THTPA: variants seen among roughly 807,000 people sequenced by gnomAD.
THTPA encodes thiamine-triphosphatase.
A neutral mutation model predicts 16.5 loss-of-function variants in THTPA; 16 were observed. The observed-to-expected ratio is 0.97, with a 90% CI of 0.66 to 1.47. The LOEUF is 1.47. THTPA is among the 40% of genes most tolerant of loss of function. THTPA has a pLI of 0.00. For missense variants in THTPA, 281 were observed against 280.9 expected (o/e 1.00, Z 0.00); for synonymous variants, 110 against 115.5 (o/e 0.95, Z 0.30).
the THTPA span, among the ~76,000 whole-genome samples, chr14:23,512,400 TG>T: frequency 4.0e-5 from 6 of 151,722 alleles, no homozygotes; most frequent in African/African-American, 1.5e-4. Flanking sequence ...CCCTGGGAAC[TG>T]GGGCTGTGCG....
At chr14:23,518,961 G>A in the THTPA span, among the ~76,000 whole-genome samples, 1 of 152,196 alleles carries the variant, frequency 6.6e-6, no homozygotes, top group Admixed American at 6.5e-5. This position sits in a 1 kb window ranked among gnomAD's most constrained non-coding sequence, Gnocchi z 4.5. Flanking sequence ...CAGCCACTGG[G>A]AACATGGAAT....
At chr14:23,531,920 G>A in the THTPA span, 2 of 602,516 alleles carry the variant, frequency 3.3e-6, no homozygotes, top group Non-Finnish European at 2.4e-6. Context: ...GGGATTACAG[G>A]CATGCGCACC....
chr14:23,523,238 T>C, the THTPA span: 1 of 1,432,822 alleles, frequency 7.0e-7, no homozygotes, highest in Non-Finnish European at 9.1e-7. The surrounding 1 kb of genome is among the most constrained non-coding windows in gnomAD (Gnocchi z 4.1). Flanking sequence ...CAGCGGGGGC[T>C]GAGCCAGAGC....
the THTPA span, chr14:23,524,295 T>C: frequency 1.3e-6 from 2 of 1,536,162 alleles, no homozygotes; most frequent in Non-Finnish European, 1.7e-6. The surrounding 1 kb of genome is among the most constrained non-coding windows in gnomAD (Gnocchi z 5.6). Flanking sequence ...ATCTTGCGTG[T>C]TGGGTTGGAA....
At chr14:23,525,667 G>A in the THTPA span, 2 of 1,535,030 alleles carry the variant, frequency 1.3e-6, no homozygotes, top group East Asian at 2.4e-5. This position sits in a 1 kb window ranked among gnomAD's most constrained non-coding sequence, Gnocchi z 5.9. Flanking sequence ...CGGGGGGTGA[G>A]GAAGGCCCTG....
chr14:23,553,302 T>C (rs1835906394), upstream of THTPA, among the ~76,000 whole-genome samples: 1 of 152,128 alleles, frequency 6.6e-6, no homozygotes, highest in African/African-American at 2.4e-5. Flanking sequence ...ATTTTCTCAA[T>C]GAAAAAGCAG....
the THTPA span, chr14:23,526,251 G>T: frequency 2.0e-6 from 3 of 1,536,236 alleles, no homozygotes; most frequent in African/African-American, 2.7e-5. Context: ...GCCTCTCCCC[G>T]TGCAGGGGCA....
At chr14:23,537,552 G>C in the THTPA span, among the ~76,000 whole-genome samples, 1 of 152,140 alleles carries the variant, frequency 6.6e-6, no homozygotes, top group African/African-American at 2.4e-5. Flanking sequence ...AGCCAGGCAT[G>C]AAGTCAGAGC....
chr14:23,523,286 G>C, the THTPA span: 8 of 1,440,226 alleles, frequency 5.6e-6, no homozygotes, highest in South Asian at 7.3e-5. This position sits in a 1 kb window ranked among gnomAD's most constrained non-coding sequence, Gnocchi z 4.1. Context: ...GCGAGGCAAG[G>C]TTGGGGCAGC....
the THTPA span, among the ~76,000 whole-genome samples, chr14:23,518,930 G>C: frequency 2.6e-5 from 4 of 152,224 alleles, no homozygotes; most frequent in African/African-American, 7.2e-5. The surrounding 1 kb of genome is among the most constrained non-coding windows in gnomAD (Gnocchi z 4.5). Context: ...GTGTGAGAAA[G>C]GGACTGGGAA....
chr14:23,535,792 G>C, the THTPA span, among the ~76,000 whole-genome samples: 1 of 151,752 alleles, frequency 6.6e-6, no homozygotes, highest in Admixed American at 6.6e-5. The surrounding 1 kb of genome is among the most constrained non-coding windows in gnomAD (Gnocchi z 4.5). Flanking sequence ...GGGTTTCTCC[G>C]TGTTGGTCAG....
chr14:23,534,381 C>T, the THTPA span: 1 of 1,536,826 alleles, frequency 6.5e-7, no homozygotes. The surrounding 1 kb of genome is among the most constrained non-coding windows in gnomAD (Gnocchi z 4.5). Flanking sequence ...CCACATTCGC[C>T]TCCATGTTCA....
the THTPA span, among the ~76,000 whole-genome samples, chr14:23,550,218 A>T: frequency 6.6e-6 from 1 of 152,326 alleles, no homozygotes; most frequent in African/African-American, 2.4e-5. Context: ...TTCTCTGGTG[A>T]TGGTGGAAGA....
chr14:23,554,038 CAAAAAAAAAA>C (rs61363455), upstream of THTPA, among the ~76,000 whole-genome samples: 2 of 36,040 alleles, frequency 5.5e-5, no homozygotes, highest in Non-Finnish European at 6.0e-5. Context: ...GACTCTGTCT[CAAAAAAAAAA>C]AAAAAAAAAA....
chr14:23,552,343 G>A (rs956586874), upstream of THTPA, among the ~76,000 whole-genome samples: 5 of 150,584 alleles, frequency 3.3e-5, no homozygotes, highest in Non-Finnish European at 7.4e-5. Flanking sequence ...GCCCAGGTTG[G>A]AGTGCAGTGG....
At chr14:23,528,715 C>T in the THTPA span, 1 of 985,382 alleles carries the variant, frequency 1.0e-6, no homozygotes, top group Non-Finnish European at 1.2e-6. Flanking sequence ...CTTCTTTTTC[C>T]TAATGTGAAT....
At chr14:23,535,302 A>G in the THTPA span, 1 of 1,470,480 alleles carries the variant, frequency 6.8e-7, no homozygotes, top group Non-Finnish European at 9.0e-7. This position sits in a 1 kb window ranked among gnomAD's most constrained non-coding sequence, Gnocchi z 4.5. Context: ...TACCAGTGGT[A>G]GAGGCTGAGT....
the THTPA span, chr14:23,524,541 G>A: frequency 6.5e-7 from 1 of 1,527,714 alleles, no homozygotes; most frequent in Non-Finnish European, 8.8e-7. The surrounding 1 kb of genome is among the most constrained non-coding windows in gnomAD (Gnocchi z 5.6). Flanking sequence ...AGTTGGGGGG[G>A]AGCACTGGGC....
chr14:23,527,283 C>T, the THTPA span, among the ~76,000 whole-genome samples: 1 of 152,208 alleles, frequency 6.6e-6, no homozygotes, highest in Admixed American at 6.5e-5. Context: ...GAAACAGAAG[C>T]CTCTGCCTCA....
Sources: gnomAD v4.1 joint callset for allele counts (sites outside exome capture counted in the v4.1 genomes callset) on GRCh38, gnomAD v4.1.1 for gene constraint, Gnocchi (gnomAD v3.1) non-coding constraint, MANE v1.5 for transcripts, NCBI Gene and HGNC (gene_info 2026-07-23, HGNC 2026-07-21) for gene names.